SLC9C1: variants seen among roughly 807,000 people sequenced by gnomAD.
SLC9C1 encodes the protein solute carrier family 9 member C1.
SLC9C1 carries 97 observed loss-of-function variants against 140.9 expected under a neutral mutation model. The ratio of observed to expected loss-of-function variants is 0.69; its 90% CI spans 0.58 to 0.82. SLC9C1 has a LOEUF of 0.82. Among genes scored for constraint, SLC9C1 ranks in the 40% least tolerant of loss-of-function variants. The probability of loss-of-function intolerance (pLI) is 0.00; values close to 1 mark genes in which losing one functional copy is unlikely to be tolerated. For missense variants in SLC9C1, 1,340 were observed against 1,389.3 expected, an observed-to-expected ratio of 0.96 and a Z score of 0.56; for synonymous variants, 440 against 442.6, an observed-to-expected ratio of 0.99 and a Z score of 0.07.
At chr3:112,234,517 A>T (rs2078928213) in intron 12 of SLC9C1, among the ~76,000 whole-genome samples, 1 of 152,050 alleles carries the variant, frequency 6.6e-6, no homozygotes, top group Non-Finnish European at 1.5e-5. Context: ...TTTTGTTGCC[A>T]TTGCTTTTGG....
At chr3:112,220,761 C>A (rs1470213817) in intron 14 of SLC9C1, among the ~76,000 whole-genome samples, 1 of 152,072 alleles carries the variant, frequency 6.6e-6, no homozygotes, top group Non-Finnish European at 1.5e-5. Context: ...GGAAGATGTG[C>A]CTGGAGGGAT....
At chr3:112,144,462 T>A (rs1401393445) in intron 28 of SLC9C1, among the ~76,000 whole-genome samples, 1 of 151,820 alleles carries the variant, frequency 6.6e-6, no homozygotes, top group Non-Finnish European at 1.5e-5. Context: ...CACCCGGCCA[T>A]TTTTTTTCTA....
At position 112,167,218 on chromosome 3, in the gene SLC9C1, C is replaced by A; in HGVS notation, c.3364+3G>T. ...CACAATTGCTGAAAGAAGTCTAACT[C>A]ACCTATTAATCCTGGTGTAAGATAA... On this transcript the variant is annotated splice_donor_region_variant and intron_variant, in intron 26 of 28. Transcript: ENST00000305815. The A allele has an allele frequency of 6.2e-7, 1 of 1,605,438 alleles. No individual in the cohort carries two copies. Among genetic ancestry groups the A allele is most frequent in the South Asian group, 1.1e-5 (1 of 89,526 alleles).
chr3:112,177,172 A>T (rs935766352), intron 23 of SLC9C1, among the ~76,000 whole-genome samples: 1 of 151,798 alleles, frequency 6.6e-6, no homozygotes, highest in Non-Finnish European at 1.5e-5. Context: ...GTGCCCAGCT[A>T]ATTTTTGTAT....
At position 112,180,514 on chromosome 3, in the gene SLC9C1, ACT is replaced by A. The variant is rs1337847915; in HGVS notation, c.2748+48_2748+49del. The A allele has an allele frequency of 4.1e-6, 6 of 1,479,324 alleles. No homozygotes were observed. In the African/African-American group the frequency reaches 4.3e-5, roughly 11 times the overall value. 91.6% of individuals were successfully genotyped at this position (1,479,324 alleles called of 1,614,324 possible). Reference sequence around the variant, plus strand: ...CTCCAGCTTGGGCAACAAGAGAGAAACTCTGTCTCAAAACAAAAAAACAAAAC... The same window carrying A: ...CTCCAGCTTGGGCAACAAGAGAGAAACTGTCTCAAAACAAAAAAACAAAAC... On this transcript the variant is annotated intron_variant, in intron 22 of 28. Transcript: ENST00000305815.
chr3:112,216,152 T>A (rs556025799), intron 15 of SLC9C1, among the ~76,000 whole-genome samples: 1 of 152,264 alleles, frequency 6.6e-6, no homozygotes, highest in East Asian at 1.9e-4. Context: ...TGGCTAGCCA[T>A]ATGTAGAAAG....
intron 12 of SLC9C1, among the ~76,000 whole-genome samples, chr3:112,237,638 G>T (rs1196667388): frequency 3.3e-5 from 5 of 152,160 alleles, no homozygotes; most frequent in South Asian, 2.1e-4. Flanking sequence ...AGGAGCTCTT[G>T]TAGGGCAGGC....
In SLC9C1 at chr3:112,217,580, C is replaced by A; in HGVS notation, c.1671-19G>T. On this transcript the variant is annotated intron_variant, in intron 14 of 28. Coordinates refer to ENST00000305815, the MANE Select transcript of SLC9C1 (RefSeq NM_183061.3). The stretch of plus-strand genomic sequence containing the variant: ...CATACATCTAGAAAAAGAGAGAAAT[C>A]TTTAAACATGCTTTAAACATTTTGA... The A allele has an allele frequency of 6.4e-7, 1 of 1,554,234 alleles. No individual in the cohort carries two copies. The highest frequency in any genetic ancestry group is 8.7e-7 in the Non-Finnish European group (1 of 1,153,542).
At chr3:112,267,795 T>A (rs2079965582) in intron 7 of SLC9C1, among the ~76,000 whole-genome samples, 1 of 152,224 alleles carries the variant, frequency 6.6e-6, no homozygotes, top group South Asian at 2.1e-4. Flanking sequence ...AGAGTCATTG[T>A]TGAATCATGA....
chr3:112,243,782 C>T (rs2079201168), intron 11 of SLC9C1, among the ~76,000 whole-genome samples: 1 of 151,766 alleles, frequency 6.6e-6, no homozygotes, highest in African/African-American at 2.4e-5. Flanking sequence ...CATCAGCCTC[C>T]TGGGTTCCAG....
intron 10 of SLC9C1, among the ~76,000 whole-genome samples, chr3:112,253,694 C>T (rs144385873): frequency 2.3e-3 from 353 of 152,324 alleles, no homozygotes; most frequent in Non-Finnish European, 3.3e-3. Flanking sequence ...AATGCAAGAA[C>T]TCTGTCAACT....
intron 26 of SLC9C1, among the ~76,000 whole-genome samples, chr3:112,162,415 G>T (rs1240134606): frequency 6.6e-6 from 1 of 152,010 alleles, no homozygotes; most frequent in Non-Finnish European, 1.5e-5. Context: ...GTTTGTCATA[G>T]ATAGCTCTTA....
chr3:112,186,434 A>C (rs1172191518), intron 20 of SLC9C1, among the ~76,000 whole-genome samples: 1 of 152,220 alleles, frequency 6.6e-6, no homozygotes. Flanking sequence ...TACACAGAAA[A>C]AAAACAAAAA....
intron 12 of SLC9C1, among the ~76,000 whole-genome samples, chr3:112,233,050 C>CACAT (rs1326383624): frequency 1.6e-3 from 138 of 86,620 alleles, no homozygotes; most frequent in South Asian, 6.2e-3. Context: ...CACACACACA[C>CACAT]ATATATATAT....
intron 10 of SLC9C1, among the ~76,000 whole-genome samples, chr3:112,258,163 C>A (rs573462685): frequency 6.6e-6 from 1 of 152,222 alleles, no homozygotes; most frequent in South Asian, 2.1e-4. Context: ...ATCAGAATTA[C>A]CATTTGACCC....
At chr3:112,212,643 A>C (rs990752296) in intron 15 of SLC9C1, among the ~76,000 whole-genome samples, 1 of 152,202 alleles carries the variant, frequency 6.6e-6, no homozygotes, top group African/African-American at 2.4e-5. Context: ...AAGCAAGAAG[A>C]GAAGTTTAGA....
intron 20 of SLC9C1, chr3:112,185,438 A>G (rs2077515657): frequency 6.6e-7 from 1 of 1,511,210 alleles, no homozygotes; most frequent in African/African-American, 1.4e-5. Context: ...GTCTCAGCCC[A>G]GCCCCTCTAT....
chr3:112,265,004 C>T (rs2079878647), intron 8 of SLC9C1, among the ~76,000 whole-genome samples: 1 of 151,896 alleles, frequency 6.6e-6, no homozygotes, highest in South Asian at 2.1e-4. Context: ...CACAGTGAGA[C>T]AGGAACTAAA....
In SLC9C1 at chr3:112,202,398, A is replaced by T; in HGVS notation, c.2174T>A (p.Leu725His). The change falls in exon 18 of 29, where the codon CTC (leucine) becomes CAC (histidine). Residue 725 changes from leucine (L) to histidine (H), a missense_variant and splice_region_variant. Leu to His is a moderately conservative substitution (Grantham distance 99). Transcript: ENST00000305815. ...QFFRILRIFK[L>H]IAPKLLQIID... ...TATTTGCAGCAACTTTGGTGCTATG[A>T]GCTGAATTAAACAGGACTTCCATTA... The T allele has an allele frequency of 1.3e-6, 2 of 1,592,212 alleles. No individual in the cohort carries two copies. Among genetic ancestry groups the T allele is most frequent in the Middle Eastern group, 1.9e-4 (1 of 5,276 alleles).
Sources: gnomAD v4.1 joint callset for allele counts (sites outside exome capture counted in the v4.1 genomes callset) on GRCh38, gnomAD v4.1.1 for gene constraint, MANE v1.5 for transcripts, NCBI Gene and HGNC (gene_info 2026-07-23, HGNC 2026-07-21) for gene names.